The following HDHD5 variants were observed in gnomAD, a reference collection of about 807,000 sequenced individuals.
The protein encoded by HDHD5 is haloacid dehalogenase like hydrolase domain containing 5.
HDHD5 carries 34 observed loss-of-function variants against 35.5 expected under a neutral mutation model. That is an observed-to-expected ratio of 0.96 (90% confidence interval 0.73 to 1.28). The LOEUF is 1.28. Ranked by LOEUF, HDHD5 falls within the 50% of genes most tolerant of loss-of-function variation. HDHD5 has a pLI of 0.00. For missense variants in HDHD5, 589 were observed against 560.2 expected (o/e 1.05, Z -0.52); for synonymous variants, 248 against 240.6 (o/e 1.03, Z -0.29).
At position 17,138,345 on chromosome 22, in the gene HDHD5, C is replaced by A. The variant is rs1291649784; in HGVS notation, c.948G>T (p.Met316Ile). The A allele has an allele frequency of 2.5e-6, 4 of 1,611,382 alleles. No individual in the cohort carries two copies. The East Asian group carries it at 8.9e-5, about 36-fold the overall frequency. ...RKLYAVGDNP[M>I]SDVYGANLFH... is the part of the protein sequence containing the mutation. ...ACAGGTTGGCGCCGTATACGTCAGA[C>A]ATAGGGTTATCACTGGCAGGGGCAG... The change falls in exon 8 of 8, where the codon ATG becomes ATT. Residue 316 changes from methionine to isoleucine, a missense_variant. Coordinates refer to ENST00000336737, the MANE Select transcript of HDHD5 (RefSeq NM_033070.3).
intron 1 of HDHD5, among the ~76,000 whole-genome samples, chr22:17,150,356 A>C (rs1361198710): frequency 2.6e-5 from 4 of 152,228 alleles, no homozygotes; most frequent in Non-Finnish European, 4.4e-5. Context: ...AAAATGTTTC[A>C]AAAGTTTCTT....
intron 1 of HDHD5, among the ~76,000 whole-genome samples, chr22:17,150,355 C>T (rs1373784892): frequency 6.6e-6 from 1 of 152,128 alleles, no homozygotes; most frequent in Non-Finnish European, 1.5e-5. Flanking sequence ...AAAAATGTTT[C>T]AAAAGTTTCT....
chr22:17,146,021 A>C (rs899760785), intron 3 of HDHD5, among the ~76,000 whole-genome samples: 22 of 152,082 alleles, frequency 1.4e-4, no homozygotes, highest in African/African-American at 5.3e-4. Context: ...GAATTTCCCC[A>C]AAATCCTGAT....
intron 4 of HDHD5, among the ~76,000 whole-genome samples, chr22:17,144,666 G>A (rs2061639587): frequency 1.3e-5 from 2 of 152,044 alleles, no homozygotes; most frequent in African/African-American, 4.8e-5. Flanking sequence ...CACCCGCCTT[G>A]GCCTCCCAAA....
At chr22:17,162,192 T>G (rs2061867407), upstream of HDHD5, among the ~76,000 whole-genome samples, 1 of 152,230 alleles carries the variant, frequency 6.6e-6, no homozygotes, top group South Asian at 2.1e-4. Context: ...GAGGTGGAGC[T>G]TCCATTCCTG....
chr22:17,141,761 A>T (rs1182038922), intron 5 of HDHD5: 2 of 203,726 alleles, frequency 9.8e-6, no homozygotes, highest in African/African-American at 2.4e-5. Flanking sequence ...CAACTACATA[A>T]CAGCAACAGC....
chr22:17,144,470 A>G lies in HDHD5; in HGVS notation c.537+554T>C, dbSNP rs533687624. Among the ~76,000 whole-genome samples, 22 of 150,154 alleles carry G rather than the reference A, an allele frequency of 1.5e-4. No homozygotes were observed. The South Asian group carries it at 3.6e-3, about 25-fold the overall frequency. ...GCTCTGTTGCCCAGGCTGGAGTGCA[A>G]TGGTGTGATGTCAGCTCACTGCAAC... On this transcript the variant is annotated intron_variant, in intron 4 of 7. Coordinates refer to ENST00000336737, the MANE Select transcript of HDHD5 (RefSeq NM_033070.3).
intron 5 of HDHD5, 46 bp from the exon 6 acceptor site, chr22:17,141,279 G>A (rs754803853): frequency 6.5e-7 from 1 of 1,549,662 alleles, no homozygotes; most frequent in Non-Finnish European, 8.6e-7. Flanking sequence ...GCAGATGGCA[G>A]GCGGCAGGCC....
At chr22:17,140,633 T>C (rs1313906135) in intron 6 of HDHD5, among the ~76,000 whole-genome samples, 1 of 152,142 alleles carries the variant, frequency 6.6e-6, no homozygotes, top group Non-Finnish European at 1.5e-5. Context: ...TGCTTCCTCC[T>C]GCCTTATGTC....
intron 4 of HDHD5, 43 bp downstream of exon 4, chr22:17,144,981 G>C (rs757292200): frequency 1.2e-6 from 2 of 1,610,326 alleles, no homozygotes; most frequent in Non-Finnish European, 1.7e-6. Context: ...GGCACTGGAG[G>C]AGTGAAGGAT....
In HDHD5 at chr22:17,137,883, A is replaced by T; in HGVS notation, c.*138T>A. 1.5e-6 allele frequency: 1 copy of T among 648,896 alleles called. No individual in the cohort carries two copies. The highest frequency in any genetic ancestry group is 2.6e-6 in the Non-Finnish European group (1 of 377,544). The allele number at this position is 648,896 out of a possible 1,614,324, so 40.2% of individuals were successfully genotyped here. A position where few individuals can be genotyped will look rare whatever the true frequency, so the allele number is the denominator to read the frequency against. ...CACTGTCTTCTTCCAAGTGACCAGT[A>T]ATGCCACACTCATGGGGCAGCAAGA... On this transcript the variant is annotated 3_prime_UTR_variant, in exon 8 of 8. Coordinates refer to ENST00000336737, the MANE Select transcript of HDHD5 (RefSeq NM_033070.3).
chr22:17,151,995 T>C (rs11704657), intron 1 of HDHD5, among the ~76,000 whole-genome samples: 38,959 of 152,032 alleles, frequency 0.26, 5,275 homozygotes, highest in Middle Eastern at 0.33. Flanking sequence ...CAAAACTCTT[T>C]GCACCCCCCA....
rs149211 is a variant in HDHD5 at position 17,146,524 on chromosome 22, T to C, written c.444-1407A>G. Among the ~76,000 whole-genome samples the C allele has an allele frequency of 7.2e-3, 399 of 55,106 alleles. 1 individual carries two copies. The highest frequency in any genetic ancestry group is 8.4e-3 in the African/African-American group (118 of 14,054). 36.2% of individuals were successfully genotyped at this position (55,106 alleles called of 152,430 possible). A position where few individuals can be genotyped will look rare whatever the true frequency, so the allele number is the denominator to read the frequency against. ...GAGCTTACCGGCCTTCAATCACACG[T>C]CATCGCACACGCCCCACACCTGTGA... On this transcript the variant is annotated intron_variant, in intron 3 of 7. Transcript: ENST00000336737.
chr22:17,154,769 T>C (rs893645222), intron 1 of HDHD5, among the ~76,000 whole-genome samples: 5 of 150,134 alleles, frequency 3.3e-5, no homozygotes, highest in African/African-American at 1.2e-4. Flanking sequence ...ACTACAAGTA[T>C]GTGCCACCAC....
intron 1 of HDHD5, among the ~76,000 whole-genome samples, chr22:17,152,293 G>GACC (rs72562399): frequency 6.6e-6 from 1 of 151,886 alleles, no homozygotes; most frequent in African/African-American, 2.4e-5. Context: ...TTAACTGAAA[G>GACC]ACCAGGTGGG....
chr22:17,148,703 C>T (rs2061693471), intron 2 of HDHD5, 143 bp from the exon 3 acceptor site: 1 of 647,470 alleles, frequency 1.5e-6, no homozygotes. Flanking sequence ...TTTCTAGCAC[C>T]CAGCAGCACT....
intron 1 of HDHD5, among the ~76,000 whole-genome samples, chr22:17,151,084 A>G (rs1246960256): frequency 6.6e-6 from 1 of 152,204 alleles, no homozygotes; most frequent in Non-Finnish European, 1.5e-5. Context: ...CATAAACACC[A>G]ACTGACAAAC....
At chr22:17,158,656 C>T (rs1164086207) in intron 1 of HDHD5, 1 of 152,470 alleles carries the variant, frequency 6.6e-6, no homozygotes, top group Non-Finnish European at 1.5e-5. Flanking sequence ...GCCTCCAGCG[C>T]TCAGTCGAGG....
Position 17,138,056 on chromosome 22 carries a change from G to C in HDHD5, c.1237C>G (p.Leu413Val), listed in dbSNP as rs751646054. The change falls in exon 8 of 8, where the codon CTG (leucine) becomes GTG (valine). Residue 413 changes from leucine (L) to valine (V), a missense_variant. Physicochemically the swap from Leu to Val is conservative, Grantham distance 32. Transcript: ENST00000336737. ...VVNDVNEAVQ[L>V]VFRKEGWALE ...GCCCAGCCCTCCTTGCGGAAGACCAGCTGCACAGCCTCATTCACGTCATTC... is the reference window on the plus strand; with the variant it reads ...GCCCAGCCCTCCTTGCGGAAGACCACCTGCACAGCCTCATTCACGTCATTC... 3.1e-6 allele frequency: 5 copies of C among 1,613,506 alleles called. No homozygotes were observed. In the Admixed American group the frequency reaches 8.3e-5, roughly 27 times the overall value.
Sources: gnomAD v4.1 joint callset for allele counts (sites outside exome capture counted in the v4.1 genomes callset) on GRCh38, gnomAD v4.1.1 for gene constraint, MANE v1.5 for transcripts, NCBI Gene and HGNC (gene_info 2026-07-23, HGNC 2026-07-21) for gene names.